The following OPCML variants were observed in gnomAD, a reference collection of about 807,000 sequenced individuals.
The protein encoded by OPCML is opioid binding protein/cell adhesion molecule like.
OPCML carries 13 observed loss-of-function variants against 37.8 expected under a neutral mutation model. The ratio of observed to expected loss-of-function variants is 0.34; its 90% CI spans 0.22 to 0.55. The LOEUF (loss-of-function observed/expected upper bound fraction) is 0.55, where lower values mean the gene tolerates loss of function less well. OPCML is among the 20% of genes least tolerant of loss of function. The pLI is 0.91. For synonymous variants in OPCML, 176 were observed against 168.8 expected (o/e 1.04, Z -0.33); for missense variants, 341 against 435.6 (o/e 0.78, Z 1.93).
intron 3 of OPCML, among the ~76,000 whole-genome samples, chr11:132,651,744 T>C (rs991326658): frequency 1.3e-5 from 2 of 152,228 alleles, no homozygotes; most frequent in Non-Finnish European, 2.9e-5. Context: ...CAATTTCACC[T>C]GAACTGACAC....
intron 2 of OPCML, among the ~76,000 whole-genome samples, chr11:132,718,635 T>G (rs1045643805): frequency 1.3e-5 from 2 of 152,024 alleles, no homozygotes; most frequent in Non-Finnish European, 2.9e-5. Context: ...GTGGCTAGGG[T>G]AGCTACACCA....
intron 1 of OPCML, among the ~76,000 whole-genome samples, chr11:133,398,135 G>A (rs965384797): frequency 1.3e-5 from 2 of 152,128 alleles, no homozygotes; most frequent in African/African-American, 2.4e-5. Flanking sequence ...CTGGGGGATC[G>A]AACCTTGCAA....
At chr11:132,758,797 G>C (rs530924596) in intron 2 of OPCML, among the ~76,000 whole-genome samples, 18 of 151,988 alleles carry the variant, frequency 1.2e-4, no homozygotes, top group Non-Finnish European at 2.2e-4. Context: ...TTTATTTCTT[G>C]CTCTTGCCTG....
intron 1 of OPCML, among the ~76,000 whole-genome samples, chr11:133,466,933 T>C (rs1946989825): frequency 6.6e-6 from 1 of 151,976 alleles, no homozygotes; most frequent in East Asian, 1.9e-4. Flanking sequence ...TCGGGTAGAG[T>C]TGTTTTGTTT....
At chr11:132,613,113 T>C (rs1938757203) in intron 3 of OPCML, among the ~76,000 whole-genome samples, 1 of 152,222 alleles carries the variant, frequency 6.6e-6, no homozygotes. Context: ...GGAAGTGTCA[T>C]GAGATGAGCT....
intron 1 of OPCML, among the ~76,000 whole-genome samples, chr11:133,111,483 A>T (rs1252391655): frequency 6.6e-6 from 1 of 152,170 alleles, no homozygotes; most frequent in African/African-American, 2.4e-5. Flanking sequence ...AGTGTTAGTT[A>T]GTACGAGTCT....
At chr11:133,528,624 G>A (rs1292029688) in intron 1 of OPCML, among the ~76,000 whole-genome samples, 1 of 152,224 alleles carries the variant, frequency 6.6e-6, no homozygotes, top group Non-Finnish European at 1.5e-5. Flanking sequence ...GGAAGAAGCA[G>A]GAAGGTGTGT....
intron 4 of OPCML, among the ~76,000 whole-genome samples, chr11:132,481,699 C>T (rs940887564): frequency 1.3e-5 from 2 of 149,846 alleles, no homozygotes; most frequent in Admixed American, 6.6e-5. Flanking sequence ...TGTAAAAGAA[C>T]AGAAATTATA....
intron 2 of OPCML, among the ~76,000 whole-genome samples, chr11:132,790,801 C>CAA (rs1424772036): frequency 6.6e-6 from 1 of 152,158 alleles, no homozygotes; most frequent in East Asian, 1.9e-4. Context: ...CTGACTGCAA[C>CAA]AAATGCCTTC....
intron 1 of OPCML, among the ~76,000 whole-genome samples, chr11:133,325,219 T>C (rs1291140019): frequency 6.6e-6 from 1 of 152,250 alleles, no homozygotes; most frequent in Admixed American, 6.5e-5. Flanking sequence ...ACGTGCTGTA[T>C]TCTGATAGCG....
chr11:132,748,063 C>CTTT lies in OPCML; in HGVS notation c.147-90747_147-90745dup, dbSNP rs34569655. Among the ~76,000 whole-genome samples, 396 of 140,490 alleles carry CTTT rather than the reference C, an allele frequency of 2.8e-3. 4 individuals are homozygous for CTTT. The highest frequency in any genetic ancestry group is 8.9e-3 in the African/African-American group (341 of 38,300). 92.2% of individuals were successfully genotyped at this position (140,490 alleles called of 152,430 possible). ...GTTATTTTATCCTCCAGCTGCTTGT[C>CTTT]TTTTTTTTTTTTTTTTAGAGAAAAA... On this transcript the variant is annotated intron_variant, in intron 2 of 7. Coordinates refer to ENST00000524381, the MANE Select transcript of OPCML (RefSeq NM_001012393.5).
rs368224771 is a variant in OPCML, at chr11:132,641,514, C to T, written c.379+15573G>A. On this transcript the variant is annotated intron_variant, in intron 3 of 7. Coordinates refer to ENST00000524381, the MANE Select transcript of OPCML (RefSeq NM_001012393.5). ...GGTCTCTCTCAGAGCTATCCTTGGGCGTCTTTTTAATGGCCTGGCCTTAAT... is the reference window on the plus strand; with the variant it reads ...GGTCTCTCTCAGAGCTATCCTTGGGTGTCTTTTTAATGGCCTGGCCTTAAT... Among the ~76,000 whole-genome samples, 195 of 152,298 alleles carry T rather than the reference C, an allele frequency of 1.3e-3. 1 individual carries two copies. The highest frequency in any genetic ancestry group is 4.3e-3 in the African/African-American group (177 of 41,568).
At chr11:133,178,977 T>C (rs574190084) in intron 1 of OPCML, among the ~76,000 whole-genome samples, 1 of 152,306 alleles carries the variant, frequency 6.6e-6, no homozygotes, top group East Asian at 1.9e-4. Context: ...ATTTAATTTC[T>C]TTTAAGTAGG....
chr11:133,456,925 A>G (rs1282411882), intron 1 of OPCML, among the ~76,000 whole-genome samples: 1 of 152,170 alleles, frequency 6.6e-6, no homozygotes, highest in Non-Finnish European at 1.5e-5. Flanking sequence ...AGGAGGAGGA[A>G]AGAGAGAAAA....
chr11:133,054,768 C>T (rs545934319), intron 1 of OPCML, among the ~76,000 whole-genome samples: 11 of 152,236 alleles, frequency 7.2e-5, no homozygotes, highest in South Asian at 2.1e-4. Flanking sequence ...TTCCAAGTGG[C>T]GAGATCCTGT....
intron 2 of OPCML, among the ~76,000 whole-genome samples, chr11:132,748,519 T>C (rs892188738): frequency 3.3e-5 from 5 of 151,682 alleles, no homozygotes; most frequent in East Asian, 1.9e-4. Flanking sequence ...CGTAGGAAAA[T>C]AGAATAGAGA....
At chr11:132,965,259 G>C (rs1946189284) in intron 1 of OPCML, among the ~76,000 whole-genome samples, 1 of 152,014 alleles carries the variant, frequency 6.6e-6, no homozygotes, top group Non-Finnish European at 1.5e-5. Context: ...TCTCTTTTTT[G>C]GGGGGAGGAG....
intron 1 of OPCML, among the ~76,000 whole-genome samples, chr11:133,160,156 G>A (rs932252860): frequency 6.6e-6 from 1 of 152,236 alleles, no homozygotes; most frequent in Non-Finnish European, 1.5e-5. Flanking sequence ...AATGTGCAAT[G>A]TGTAGACACA....
chr11:133,415,924 C>T (rs1056724631), intron 1 of OPCML, among the ~76,000 whole-genome samples: 82 of 152,288 alleles, frequency 5.4e-4, no homozygotes, highest in African/African-American at 1.9e-3. Flanking sequence ...ACAGAAGCCT[C>T]AGTCTTGAAA....
Sources: gnomAD v4.1 joint callset for allele counts (sites outside exome capture counted in the v4.1 genomes callset) on GRCh38, gnomAD v4.1.1 for gene constraint, MANE v1.5 for transcripts, NCBI Gene and HGNC (gene_info 2026-07-23, HGNC 2026-07-21) for gene names.